Variants in OSBPL6 observed in about 807,000 individuals in gnomAD.
OSBPL6 encodes oxysterol binding protein like 6.
In OSBPL6, 49 loss-of-function variants were observed where a neutral mutation model predicts 125.8. That is an observed-to-expected ratio of 0.39 (90% CI 0.31 to 0.49). The LOEUF is 0.49. Ranked by LOEUF, OSBPL6 falls within the 20% of genes least tolerant of loss-of-function variation. The probability of loss-of-function intolerance (pLI) is 0.88; values close to 1 mark genes in which losing one functional copy is unlikely to be tolerated. For missense variants in OSBPL6, 986 were observed against 1,135.4 expected, an observed-to-expected ratio of 0.87 and a Z score of 1.89; for synonymous variants, 394 against 391.8, an observed-to-expected ratio of 1.01 and a Z score of -0.07.
intron 19 of OSBPL6, among the ~76,000 whole-genome samples, chr2:178,386,569 A>G (rs943241094): frequency 4.6e-5 from 7 of 152,056 alleles, no homozygotes; most frequent in Non-Finnish European, 4.4e-5. Context: ...TTGTATTGCT[A>G]TACTCCAATT....
Position 178,267,353 on chromosome 2 carries a change from C to CA in OSBPL6, c.-350-17552dup, listed in dbSNP as rs57444695. The stretch of plus-strand genomic sequence containing the variant: ...TGGGTGACAGAGTGAAACTCCATCT[C>CA]AAAAAAAAAAAAAAAAAAAAAACAA... On this transcript the variant is annotated intron_variant, in intron 1 of 24. Transcript: ENST00000190611. 6.2e-3 allele frequency among the ~76,000 whole-genome samples: 504 copies of CA among 81,560 alleles called. 4 individuals carry two copies. The highest frequency in any genetic ancestry group is 0.011 in the East Asian group (25 of 2,342). 53.5% of individuals were successfully genotyped at this position (81,560 alleles called of 152,430 possible).
At chr2:178,393,571 C>T (rs901183984) in intron 23 of OSBPL6, among the ~76,000 whole-genome samples, 4 of 152,154 alleles carry the variant, frequency 2.6e-5, no homozygotes, top group Non-Finnish European at 5.9e-5. Context: ...TGCCCTCTCT[C>T]TCTAGAACAT....
intron 2 of OSBPL6, among the ~76,000 whole-genome samples, chr2:178,296,990 T>G (rs1017189228): frequency 1.3e-5 from 2 of 152,222 alleles, no homozygotes; most frequent in Admixed American, 1.3e-4. Flanking sequence ...CCATGAGATG[T>G]TGTAATTAGT....
intron 1 of OSBPL6, among the ~76,000 whole-genome samples, chr2:178,216,722 A>T (rs2090108639): frequency 6.6e-6 from 1 of 152,240 alleles, no homozygotes; most frequent in African/African-American, 2.4e-5. Flanking sequence ...CCTATCAATT[A>T]CGAGGAGGAA....
chr2:178,372,700 ACTG>A (rs35878962), intron 14 of OSBPL6, among the ~76,000 whole-genome samples: 83,385 of 151,686 alleles, frequency 0.55, 23,397 homozygotes, highest in East Asian at 0.88. Flanking sequence ...TACAGCTACT[ACTG>A]CTGCTGCTGC....
intron 13 of OSBPL6, among the ~76,000 whole-genome samples, chr2:178,364,420 A>T (rs998746192): frequency 1.3e-5 from 2 of 152,210 alleles, no homozygotes; most frequent in African/African-American, 4.8e-5. Context: ...GGTATTTGAG[A>T]TAATTTGAGA....
At chr2:178,249,535 T>G (rs1359234669) in intron 1 of OSBPL6, among the ~76,000 whole-genome samples, 1 of 152,218 alleles carries the variant, frequency 6.6e-6, no homozygotes, top group Non-Finnish European at 1.5e-5. Flanking sequence ...AAGGATTGAT[T>G]GTCATTTTTT....
At chr2:178,294,578 G>A (rs1435076975) in intron 2 of OSBPL6, among the ~76,000 whole-genome samples, 1 of 152,122 alleles carries the variant, frequency 6.6e-6, no homozygotes, top group Non-Finnish European at 1.5e-5. Flanking sequence ...AATGTAGGAT[G>A]ATGATTAAGG....
At chr2:178,250,785 C>A (rs184313371) in intron 1 of OSBPL6, among the ~76,000 whole-genome samples, 1 of 152,092 alleles carries the variant, frequency 6.6e-6, no homozygotes, top group African/African-American at 2.4e-5. Context: ...TCTCACAGAT[C>A]CTGCTCTGTA....
intron 5 of OSBPL6, among the ~76,000 whole-genome samples, chr2:178,328,783 C>T (rs1443360414): frequency 1.3e-5 from 2 of 152,110 alleles, no homozygotes; most frequent in African/African-American, 4.8e-5. Context: ...CCACCACACC[C>T]GGCTGTAAAA....
At chr2:178,384,523 T>C (rs1694763309) in intron 18 of OSBPL6, among the ~76,000 whole-genome samples, 2 of 152,192 alleles carry the variant, frequency 1.3e-5, no homozygotes, top group Admixed American at 1.3e-4. Context: ...TTCCAGGTCA[T>C]AGGTAGATAA....
At chr2:178,262,672 C>T (rs2092100899) in intron 1 of OSBPL6, among the ~76,000 whole-genome samples, 1 of 152,138 alleles carries the variant, frequency 6.6e-6, no homozygotes, top group African/African-American at 2.4e-5. Context: ...TAGTCTCCCT[C>T]TTTAGGGATG....
intron 1 of OSBPL6, among the ~76,000 whole-genome samples, chr2:178,233,159 G>A (rs1011540956): frequency 6.6e-6 from 1 of 152,118 alleles, no homozygotes; most frequent in Non-Finnish European, 1.5e-5. Flanking sequence ...AAACCTGTTC[G>A]ATATTCTGAG....
chr2:178,334,994 A>G (rs928180914), intron 8 of OSBPL6, among the ~76,000 whole-genome samples: 4 of 152,200 alleles, frequency 2.6e-5, no homozygotes, highest in Admixed American at 1.3e-4. Flanking sequence ...CAGATGCCCA[A>G]GATAGTGCCG....
chr2:178,391,272 G>C lies in OSBPL6; in HGVS notation c.2446+55G>C, dbSNP rs1031406000. On this transcript the variant is annotated intron_variant, in intron 22 of 24. Transcript: ENST00000190611. ...GGAGGGCACTATGGACAACAGAAGG[G>C]AAGAGAACATCAGGTCATCTTATGC... 2.0e-6 allele frequency: 3 copies of C among 1,496,096 alleles called. No homozygotes were observed. In the African/African-American group the frequency reaches 4.2e-5, roughly 21 times the overall value. The allele number at this position is 1,496,096 out of a possible 1,614,324, so 92.7% of individuals were successfully genotyped here.
In OSBPL6 at chr2:178,394,320, G is replaced by A. The variant is rs1178641498; in HGVS notation, c.2581G>A (p.Glu861Lys). The A allele has an allele frequency of 2.5e-6, 4 of 1,611,828 alleles. No homozygotes were observed. The African/African-American group carries it at 5.4e-5, about 22-fold the overall frequency. The change falls in exon 24 of 25, where the codon GAA becomes AAA. Residue 861 changes from glutamate (E) to lysine (K), a missense_variant. Physicochemically the swap from Glu to Lys is moderately conservative, Grantham distance 56 (BLOSUM62 1). This residue lies in a region of OSBPL6 where 843 missense variants were observed against 997.3 expected (regional missense o/e 0.85). Coordinates refer to ENST00000190611, the MANE Select transcript of OSBPL6 (RefSeq NM_032523.4). ...CAACTGCTTTCTGCTTAGATTTTTG[G>A]AAGAAGGAAATTTAGAAGCTGCAGC... The part of the protein sequence containing the change: ...ARFRPDQRFL[E>K]EGNLEAAASE...
intron 12 of OSBPL6, among the ~76,000 whole-genome samples, chr2:178,349,922 G>A (rs780963296): frequency 9.2e-5 from 14 of 152,174 alleles, no homozygotes; most frequent in Non-Finnish European, 1.3e-4. Context: ...TGCCTAGCAC[G>A]TTGGCACGAC....
intron 1 of OSBPL6, among the ~76,000 whole-genome samples, chr2:178,215,244 C>T (rs2090046411): frequency 6.6e-6 from 1 of 152,140 alleles, no homozygotes; most frequent in Non-Finnish European, 1.5e-5. Context: ...TTTACCTATT[C>T]TGCTGATGTA....
At position 178,332,763 on chromosome 2, in the gene OSBPL6, A is replaced by C. The variant is rs1258877129; in HGVS notation, c.486+9A>C. On this transcript the variant is annotated intron_variant, in intron 7 of 24. Coordinates refer to ENST00000190611, the MANE Select transcript of OSBPL6 (RefSeq NM_032523.4). ...ACATCTATCATTTGAAGGTGAAATC[A>C]GTTTTCAACAGTTTCTCTGCCATTA... 1 of 1,612,894 alleles carries C rather than the reference A, an allele frequency of 6.2e-7. No homozygotes were observed. The highest frequency in any genetic ancestry group is 2.2e-5 in the East Asian group (1 of 44,874).
Sources: gnomAD v4.1 joint callset for allele counts (sites outside exome capture counted in the v4.1 genomes callset) on GRCh38, gnomAD v4.1.1 for gene constraint, gnomAD v4.1.1 regional missense constraint, MANE v1.5 for transcripts, NCBI Gene and HGNC (gene_info 2026-07-23, HGNC 2026-07-21) for gene names.